ZNF26: variants seen among roughly 807,000 people sequenced by gnomAD.
ZNF26 encodes zinc finger protein 26, also known as epididymis luminal protein 179.
Under a neutral mutation model 54.9 loss-of-function variants are expected in ZNF26, and 32 were observed. The ratio of observed to expected loss-of-function variants is 0.58; its 90% confidence interval spans 0.44 to 0.78. The LOEUF is 0.78. ZNF26 is among the 30% of genes least tolerant of loss of function. The probability of loss-of-function intolerance (pLI) is 0.00; values close to 1 mark genes in which losing one functional copy is unlikely to be tolerated. For missense variants in ZNF26, 524 were observed against 634.0 expected, an observed-to-expected ratio of 0.83 and a Z score of 1.86; for synonymous variants, 221 against 209.2, an observed-to-expected ratio of 1.06 and a Z score of -0.49.
At chr12:133,010,104 C>T (rs1490377421) in intron 3 of ZNF26, 32 bp from the exon 4 acceptor site, 2 of 1,560,932 alleles carry the variant, frequency 1.3e-6, no homozygotes, top group Non-Finnish European at 1.7e-6. Context: ...TGTTATGATT[C>T]AAAAAGTTAT....
intron 3 of ZNF26, among the ~76,000 whole-genome samples, chr12:133,008,775 CAAAAAAA>C (rs57200465): frequency 9.8e-5 from 6 of 61,468 alleles, no homozygotes; most frequent in African/African-American, 2.3e-4. Flanking sequence ...GACTCCATCT[CAAAAAAA>C]AAAAAAAAAA....
At position 133,014,927 on chromosome 12, in the gene ZNF26, A is replaced by G. The variant is rs926789488; in HGVS notation, c.*3446A>G. 1.3e-5 allele frequency: 2 copies of G among 152,212 alleles called. No individual in the cohort carries two copies. The highest frequency in any genetic ancestry group is 4.8e-5 in the African/African-American group (2 of 41,444). 9.4% of individuals were successfully genotyped at this position (152,212 alleles called of 1,614,324 possible). A position where few individuals can be genotyped will look rare whatever the true frequency, so the allele number is the denominator to read the frequency against. ...TGGCTTATGGCAAGGGGAAGAACAAAAGTCAGGAACTTTGCCATAATCTAG... is the reference window on the plus strand; with the variant it reads ...TGGCTTATGGCAAGGGGAAGAACAAGAGTCAGGAACTTTGCCATAATCTAG... On this transcript the variant is annotated 3_prime_UTR_variant, in exon 4 of 4. Coordinates refer to ENST00000328654, the MANE Select transcript of ZNF26 (RefSeq NM_019591.4).
intron 1 of ZNF26, among the ~76,000 whole-genome samples, chr12:132,993,743 A>AC (rs1712777094): frequency 1.3e-5 from 2 of 152,186 alleles, no homozygotes; most frequent in African/African-American, 4.8e-5. Flanking sequence ...GGCGTGAGCC[A>AC]CGGCGCGTGG....
chr12:133,003,458 G>C (rs1489393787), intron 1 of ZNF26, among the ~76,000 whole-genome samples: 1 of 152,008 alleles, frequency 6.6e-6, no homozygotes, highest in Non-Finnish European at 1.5e-5. Context: ...GTTTCACCGT[G>C]TTAGCCAGGA....
At position 133,007,479 on chromosome 12, in the gene ZNF26, A is replaced by G. The variant is rs1318488366; in HGVS notation, c.203A>G (p.Gln68Arg). 1 of 1,613,896 alleles carries G rather than the reference A, an allele frequency of 6.2e-7. No homozygotes were observed. The highest frequency in any genetic ancestry group is 8.5e-7 in the Non-Finnish European group (1 of 1,179,934). Residue 68 changes from glutamine to arginine, a missense_variant, in exon 3 of 4, where the codon CAA (glutamine) becomes CGA (arginine). Transcript: ENST00000328654. ...TKPDLIFKLE[Q>R]GEDPWIINAK... ...CCTGACTTAATCTTCAAGTTGGAAC[A>G]AGGAGAAGATCCATGGATAATAAAT... is the stretch of plus-strand genomic sequence containing the variant.
chr12:132,989,667 G>A lies in ZNF26; in HGVS notation c.33+2794G>A, dbSNP rs1018491500. Among the ~76,000 whole-genome samples, 645 of 152,290 alleles carry A rather than the reference G, an allele frequency of 4.2e-3. 5 individuals carry two copies. The highest frequency in any genetic ancestry group is 0.014 in the African/African-American group (586 of 41,544). On this transcript the variant is annotated intron_variant, in intron 1 of 3. Transcript: ENST00000328654. ...TAAGTTAATGTGTGGGATTTTCCAC[G>A]TGTGAGGACTCAAAACGTTTTGAAT... is the stretch of plus-strand genomic sequence containing the variant.
intron 1 of ZNF26, among the ~76,000 whole-genome samples, chr12:132,988,201 G>A (rs1952868469): frequency 6.6e-6 from 1 of 151,492 alleles, no homozygotes; most frequent in Non-Finnish European, 1.5e-5. Flanking sequence ...TAGCGATGGA[G>A]TTTAGCCATG....
intron 1 of ZNF26, among the ~76,000 whole-genome samples, chr12:133,000,856 G>T (rs891654410): frequency 1.8e-4 from 28 of 152,218 alleles, no homozygotes; most frequent in African/African-American, 6.7e-4. Flanking sequence ...ACCATGCCTG[G>T]CCTGTTTTCA....
Position 133,015,964 on chromosome 12 carries a change from T to C in ZNF26, c.*4483T>C, listed in dbSNP as rs1369338306. 6.6e-6 allele frequency: 1 copy of C among 152,216 alleles called. No homozygotes were observed. Among genetic ancestry groups the C allele is most frequent in the Non-Finnish European group, 1.5e-5 (1 of 68,044 alleles). 9.4% of individuals were successfully genotyped at this position (152,216 alleles called of 1,614,324 possible). A position where few individuals can be genotyped will look rare whatever the true frequency, so the allele number is the denominator to read the frequency against. ...GAACTAGGTATGCCATATATTTCCA[T>C]ATATCTTCATTTGTCTTGGGGGTAA... On this transcript the variant is annotated 3_prime_UTR_variant, in exon 4 of 4. Coordinates refer to ENST00000328654, the MANE Select transcript of ZNF26 (RefSeq NM_019591.4).
chr12:132,998,916 A>G (rs1465598756), intron 1 of ZNF26, among the ~76,000 whole-genome samples: 2 of 152,360 alleles, frequency 1.3e-5, no homozygotes, highest in East Asian at 3.9e-4. Context: ...TGGAGAAATC[A>G]GGTAGAGAGA....
Position 133,025,967 on chromosome 12 carries a change from A to G in ZNF26, c.*14486A>G, listed in dbSNP as rs1026631775. On this transcript the variant is annotated 3_prime_UTR_variant, in exon 4 of 4. Transcript: ENST00000328654. ...AAAGCCCAAACTAGCTCACACACAG[A>G]CTACATCAAGAGTGAGAGATGCCTA... The G allele has an allele frequency of 7.2e-5, 11 of 152,636 alleles. No homozygotes were observed. The highest frequency in any genetic ancestry group is 2.7e-4 in the African/African-American group (11 of 41,456). 9.5% of individuals were successfully genotyped at this position (152,636 alleles called of 1,614,324 possible). A position where few individuals can be genotyped will look rare whatever the true frequency, so the allele number is the denominator to read the frequency against.
rs1240890216 is a variant in ZNF26 at position 133,017,001 on chromosome 12, T to C, written c.*5520T>C. On this transcript the variant is annotated 3_prime_UTR_variant, in exon 4 of 4. Transcript: ENST00000328654. ...AATGTTCTGAAAGAAAATATCTACC[T>C]AGAAGGGTTATTCACAAACCAGGGT... 5 of 152,218 alleles carry C rather than the reference T, an allele frequency of 3.3e-5. No individual in the cohort carries two copies. The South Asian group carries it at 8.3e-4, about 25-fold the overall frequency. The allele number at this position is 152,218 out of a possible 1,614,324, so 9.4% of individuals were successfully genotyped here. A position where few individuals can be genotyped will look rare whatever the true frequency, so the allele number is the denominator to read the frequency against.
At position 133,010,196 on chromosome 12, in the gene ZNF26, A is replaced by G. The variant is rs1409670411; in HGVS notation, c.317A>G (p.Tyr106Cys). Residue 106 changes from tyrosine to cysteine, a missense_variant, in exon 4 of 4, where the codon TAT becomes TGT. Transcript: ENST00000328654. ...QDELESIERS[Y>C]ACSVLGRLNL... ...GAGCTTGAGAGTATTGAAAGAAGCT[A>G]TGCTTGTAGTGTGTTGGGAAGACTT... 6.8e-6 allele frequency: 11 copies of G among 1,613,332 alleles called. No individual in the cohort carries two copies. In the Admixed American group the frequency reaches 1.5e-4, roughly 22 times the overall value.
intron 1 of ZNF26, among the ~76,000 whole-genome samples, chr12:132,994,891 G>A (rs1953042582): frequency 6.6e-6 from 1 of 152,098 alleles, no homozygotes; most frequent in African/African-American, 2.4e-5. Context: ...TTGCTGAGCA[G>A]CATTCCTGGC....
At chr12:133,006,235 C>T in intron 1 of ZNF26, 1 of 985,408 alleles carries the variant, frequency 1.0e-6, no homozygotes, top group Non-Finnish European at 1.2e-6. Flanking sequence ...GATGGAAGCC[C>T]CAGACCAATT....
rs1953619284 is a variant in ZNF26, at chr12:133,020,104, A to G, written c.*8623A>G. The G allele has an allele frequency of 4.1e-5, 1 of 24,454 alleles. No individual in the cohort carries two copies. The highest frequency in any genetic ancestry group is 7.9e-5 in the African/African-American group (1 of 12,718). 1.5% of individuals were successfully genotyped at this position (24,454 alleles called of 1,614,324 possible). A position where few individuals can be genotyped will look rare whatever the true frequency, so the allele number is the denominator to read the frequency against. ...GAGTAAAGCTCCATCTCAAAAAACA[A>G]AACAAAAAAAAAATCAGAGCCCATC... is the stretch of plus-strand genomic sequence containing the variant. On this transcript the variant is annotated 3_prime_UTR_variant, in exon 4 of 4. Coordinates refer to ENST00000328654, the MANE Select transcript of ZNF26 (RefSeq NM_019591.4).
In ZNF26 at chr12:132,986,604, G is replaced by A. The variant is rs1952824524; in HGVS notation, c.-237G>A. 2 of 585,034 alleles carry A rather than the reference G, an allele frequency of 3.4e-6. No individual in the cohort carries two copies. The highest frequency in any genetic ancestry group is 3.0e-5 in the Admixed American group (1 of 33,502). The allele number at this position is 585,034 out of a possible 1,614,324, so 36.2% of individuals were successfully genotyped here. A position where few individuals can be genotyped will look rare whatever the true frequency, so the allele number is the denominator to read the frequency against. ...CTCTCCCGAGTCAGGGCCACGGAAA[G>A]GCACAAATCCATCCGTGCGACTCCT... is the stretch of plus-strand genomic sequence containing the variant. On this transcript the variant is annotated 5_prime_UTR_variant, in exon 1 of 4. Coordinates refer to ENST00000328654, the MANE Select transcript of ZNF26 (RefSeq NM_019591.4).
rs1220863277 is a variant in ZNF26, at chr12:133,025,973, T to A, written c.*14492T>A. On this transcript the variant is annotated 3_prime_UTR_variant, in exon 4 of 4. Coordinates refer to ENST00000328654, the MANE Select transcript of ZNF26 (RefSeq NM_019591.4). ...CAAACTAGCTCACACACAGACTACA[T>A]CAAGAGTGAGAGATGCCTAAAACAC... 6.6e-6 allele frequency: 1 copy of A among 152,588 alleles called. No homozygotes were observed. Among genetic ancestry groups the A allele is most frequent in the East Asian group, 1.9e-4 (1 of 5,182 alleles). The allele number at this position is 152,588 out of a possible 1,614,324, so 9.5% of individuals were successfully genotyped here.
Position 133,010,961 on chromosome 12 carries a change from A to G in ZNF26, c.1082A>G (p.Gln361Arg), listed in dbSNP as rs1953458813. 6.2e-7 allele frequency: 1 copy of G among 1,614,036 alleles called. No homozygotes were observed. Among genetic ancestry groups the G allele is most frequent in the Non-Finnish European group, 8.5e-7 (1 of 1,180,018 alleles). Residue 361 changes from glutamine to arginine, a missense_variant, in exon 4 of 4, where the codon CAG (glutamine) becomes CGG (arginine). Physicochemically the swap from Gln to Arg is conservative, Grantham distance 43. Transcript: ENST00000328654. ...ATGAAGACACAACTCATTGTACATC[A>G]GGGAGTTCACACAGGAAATAATCCT... is the stretch of plus-strand genomic sequence containing the variant. The part of the protein sequence containing the change: ...FNMKTQLIVH[Q>R]GVHTGNNPYQ...
Sources: allele counts gnomAD v4.1 joint callset (sites outside exome capture counted in the v4.1 genomes callset), GRCh38; gene constraint gnomAD v4.1.1; transcripts MANE v1.5; gene names NCBI Gene and HGNC (gene_info 2026-07-23, HGNC 2026-07-21).